Variants in SIN3B observed in about 807,000 individuals in gnomAD.
The protein encoded by SIN3B is SIN3 transcription regulator family member B.
SIN3B carries 19 observed loss-of-function variants against 120.2 expected under a neutral mutation model. That is an observed-to-expected ratio of 0.16 (90% CI 0.11 to 0.23). The LOEUF (loss-of-function observed/expected upper bound fraction) is 0.23, where lower values mean the gene tolerates loss of function less well. Among genes scored for constraint, SIN3B ranks in the 10% least tolerant of loss-of-function variants. The pLI is 1.00. For synonymous variants in SIN3B, 654 were observed against 653.2 expected (o/e 1.00, Z -0.02); for missense variants, 1,073 against 1,573.0 (o/e 0.68, Z 5.38).
In SIN3B at chr19:16,874,876, AGTCTG is replaced by A. The variant is rs2051567845; in HGVS notation, c.2593-1166_2593-1162del. On this transcript the variant is annotated intron_variant, in intron 14 of 18. Transcript: ENST00000248054. ...GTTTGGTTTGGTTTTAGTCTGGTCT[AGTCTG>A]GTCTGGTCTGGTTTTGGTCTGGTCT... is the stretch of plus-strand genomic sequence containing the variant. Among the ~76,000 whole-genome samples the A allele has an allele frequency of 4.8e-5, 5 of 104,392 alleles. No individual in the cohort carries two copies. The South Asian group carries it at 9.1e-4, about 19-fold the overall frequency. The allele number at this position is 104,392 out of a possible 152,430, so 68.5% of individuals were successfully genotyped here.
chr19:16,841,734 C>T (rs373132325), intron 3 of SIN3B, 34 bp from the exon 4 acceptor site: 54 of 1,593,342 alleles, frequency 3.4e-5, no homozygotes, highest in African/African-American at 1.2e-4. Context: ...TTTCCAGTGT[C>T]GGGCCTGGCA....
At chr19:16,874,549 G>A (rs760033787) in intron 14 of SIN3B, among the ~76,000 whole-genome samples, 16 of 151,038 alleles carry the variant, frequency 1.1e-4, no homozygotes, top group Non-Finnish European at 1.3e-4. Context: ...GGTCTGGTTT[G>A]GTTTGGTTTT....
At chr19:16,872,342 G>A (rs1306857747) in intron 14 of SIN3B, 1 of 151,996 alleles carries the variant, frequency 6.6e-6, no homozygotes, top group East Asian at 1.9e-4. Flanking sequence ...TTTGAAGGGG[G>A]CAGATGGATG....
At chr19:16,829,942 GGAATCGGGCCTAGC>G in intron 2 of SIN3B, 45 bp downstream of exon 2, 1 of 1,409,222 alleles carries the variant, frequency 7.1e-7, no homozygotes, top group Non-Finnish European at 1.0e-6. Flanking sequence ...CCCCTGGGCC[GGAATCGGGCCTAGC>G]GGGGTGAGAC....
At chr19:16,859,301 C>T (rs1242035463) in intron 8 of SIN3B, among the ~76,000 whole-genome samples, 1 of 152,162 alleles carries the variant, frequency 6.6e-6, no homozygotes, top group African/African-American at 2.4e-5. Context: ...CTTCTGGGCA[C>T]AGTGGCTGCT....
intron 8 of SIN3B, among the ~76,000 whole-genome samples, chr19:16,859,023 G>A (rs1224624606): frequency 6.6e-6 from 1 of 152,112 alleles, no homozygotes; most frequent in Non-Finnish European, 1.5e-5. Context: ...CAGAAGTGGT[G>A]GCGTGTACCT....
intron 2 of SIN3B, among the ~76,000 whole-genome samples, chr19:16,830,858 G>A (rs968830939): frequency 1.3e-5 from 2 of 152,198 alleles, no homozygotes; most frequent in Non-Finnish European, 2.9e-5. Flanking sequence ...TTGCTTAGAG[G>A]ACTTTGGCCT....
intron 14 of SIN3B, chr19:16,872,447 CTTT>C (rs1047435884): frequency 1.4e-5 from 2 of 144,362 alleles, no homozygotes; most frequent in South Asian, 2.2e-4. Context: ...TCTTCTTCTT[CTTT>C]TTTTTTTTTT....
intron 10 of SIN3B, among the ~76,000 whole-genome samples, chr19:16,864,936 G>A (rs1971743325): frequency 6.6e-6 from 1 of 151,714 alleles, no homozygotes; most frequent in South Asian, 2.1e-4. Flanking sequence ...CTGGGTTCAA[G>A]CGATTCTCCT....
At chr19:16,857,383 AGAGTGTG>A (rs1200294813) in intron 8 of SIN3B, among the ~76,000 whole-genome samples, 1 of 152,158 alleles carries the variant, frequency 6.6e-6, no homozygotes, top group Non-Finnish European at 1.5e-5. Context: ...TCAGCCTCAA[AGAGTGTG>A]TTTATGTAAA....
intron 6 of SIN3B, 152 bp downstream of exon 6, chr19:16,851,686 G>T: frequency 1.0e-6 from 1 of 993,170 alleles, no homozygotes; most frequent in Non-Finnish European, 1.4e-6. Flanking sequence ...ACCGTTGGAA[G>T]TCAGCTCTCC....
chr19:16,874,525 ATCTGGTCTGG>A (rs1169853820), intron 14 of SIN3B, among the ~76,000 whole-genome samples: 2 of 105,170 alleles, frequency 1.9e-5, no homozygotes, highest in African/African-American at 7.7e-5. Context: ...GTCTGCTCTG[ATCTGGTCTGG>A]TCTGGTCTGG....
intron 5 of SIN3B, among the ~76,000 whole-genome samples, chr19:16,847,435 C>T (rs1310220714): frequency 3.3e-5 from 5 of 152,260 alleles, no homozygotes; most frequent in Non-Finnish European, 2.9e-5. Context: ...CAGAGCCCCA[C>T]CCTGCCTGGG....
At chr19:16,854,104 G>GCA (rs766063927) in intron 7 of SIN3B, 39 bp from the exon 8 acceptor site, 1 of 1,510,744 alleles carries the variant, frequency 6.6e-7, no homozygotes, top group Non-Finnish European at 9.1e-7. Flanking sequence ...AGGCTGAGGA[G>GCA]CAGGGGTTCA....
At chr19:16,833,844 G>A (rs1349077324) in intron 3 of SIN3B, among the ~76,000 whole-genome samples, 2 of 151,312 alleles carry the variant, frequency 1.3e-5, no homozygotes, top group Non-Finnish European at 2.9e-5. Context: ...CTGCCTCAGC[G>A]TGCTGAGTAG....
In SIN3B at chr19:16,849,017, A is replaced by T. The variant is rs964519963; in HGVS notation, c.726+1904A>T. On this transcript the variant is annotated intron_variant, in intron 5 of 18. Coordinates refer to ENST00000248054, the MANE Select transcript of SIN3B (RefSeq NM_001297595.2). ...AGCATGAGACTCTCAAATAACATTT[A>T]TTACCAATTTAGCTAAGATTTTTAG... 2.6e-5 allele frequency among the ~76,000 whole-genome samples: 4 copies of T among 152,264 alleles called. 1 individual carries two copies. In the South Asian group the frequency reaches 8.3e-4, roughly 31 times the overall value.
chr19:16,846,553 C>A, intron 4 of SIN3B: 1 of 160,270 alleles, frequency 6.2e-6, no homozygotes, highest in East Asian at 1.8e-4. Context: ...GGCCATTTTC[C>A]TTGGGTCTCA....
In SIN3B at chr19:16,876,207, G is replaced by C; in HGVS notation, c.2745G>C (p.Met915Ile). 1.2e-6 allele frequency: 2 copies of C among 1,611,990 alleles called. No individual in the cohort carries two copies. Among genetic ancestry groups the C allele is most frequent in the Non-Finnish European group, 1.7e-6 (2 of 1,178,976 alleles). ...TSYQWKAERC[M>I]ADENCFKVMF... is the part of the protein sequence containing the mutation. Reference sequence around the variant, plus strand: ...ACCAGTGGAAGGCTGAGCGCTGCATGGCCGACGAGAACTGCTTCAAGGTGA... The same window carrying C: ...ACCAGTGGAAGGCTGAGCGCTGCATCGCCGACGAGAACTGCTTCAAGGTGA... Residue 915 changes from methionine to isoleucine, a missense_variant, in exon 15 of 19, where the codon ATG becomes ATC. By Grantham distance (10) the Met-to-Ile change is conservative. Transcript: ENST00000248054. The surrounding 1 kb of genome is among the most constrained non-coding windows in gnomAD (Gnocchi z 7.1).
intron 14 of SIN3B, chr19:16,871,681 T>G: frequency 2.7e-6 from 1 of 367,422 alleles, no homozygotes; most frequent in Non-Finnish European, 4.9e-6. Context: ...CCACTGCCCA[T>G]TCCCCTGCCC....
Sources: gnomAD v4.1 joint callset for allele counts (sites outside exome capture counted in the v4.1 genomes callset) on GRCh38, gnomAD v4.1.1 for gene constraint, Gnocchi (gnomAD v3.1) non-coding constraint, MANE v1.5 for transcripts, NCBI Gene and HGNC (gene_info 2026-07-23, HGNC 2026-07-21) for gene names.